The following CDKAL1 variants were observed in gnomAD, a reference collection of about 807,000 sequenced individuals.
The protein encoded by CDKAL1 is CDKAL1 threonylcarbamoyladenosine tRNA methylthiotransferase.
In CDKAL1, 32 loss-of-function variants were observed where a neutral mutation model predicts 68.2. The ratio of observed to expected loss-of-function variants is 0.47; its 90% CI spans 0.35 to 0.63. The LOEUF (loss-of-function observed/expected upper bound fraction) is 0.63. Among genes scored for constraint, CDKAL1 ranks in the 30% least tolerant of loss-of-function variants. The probability of loss-of-function intolerance (pLI) is 0.00; values close to 1 mark genes in which losing one functional copy is unlikely to be tolerated. For synonymous variants in CDKAL1, 234 were observed against 244.3 expected, an observed-to-expected ratio of 0.96 and a Z score of 0.39; for missense variants, 606 against 696.7, an observed-to-expected ratio of 0.87 and a Z score of 1.47.
intron 10 of CDKAL1, among the ~76,000 whole-genome samples, chr6:20,991,706 C>CA (rs35504365): frequency 0.11 from 6,796 of 59,250 alleles, 728 homozygotes; most frequent in African/African-American, 0.27. Flanking sequence ...TATTCCCTCT[C>CA]AAAAAAAAAA....
intron 4 of CDKAL1, among the ~76,000 whole-genome samples, chr6:20,628,287 T>C (rs1561979313): frequency 1.3e-5 from 2 of 152,136 alleles, no homozygotes; most frequent in Admixed American, 6.5e-5. Context: ...TCTAGTTTTT[T>C]TGAGTGTTTT....
chr6:20,955,239 C>T (rs1050954420), intron 9 of CDKAL1, among the ~76,000 whole-genome samples, 180 bp from the exon 10 acceptor site: 11 of 152,114 alleles, frequency 7.2e-5, no homozygotes, highest in African/African-American at 1.9e-4. Context: ...CTCTGGTGTT[C>T]GTAAAATGAA....
intron 10 of CDKAL1, among the ~76,000 whole-genome samples, chr6:20,986,619 T>C (rs187340853): frequency 4.1e-4 from 60 of 148,146 alleles, no homozygotes; most frequent in Non-Finnish European, 8.0e-4. Flanking sequence ...AGAAGGACTT[T>C]AACAAAATGT....
At chr6:20,968,155 T>G (rs112092201) in intron 10 of CDKAL1, among the ~76,000 whole-genome samples, 3,002 of 137,506 alleles carry the variant, frequency 0.022, 104 homozygotes, top group African/African-American at 0.076. Context: ...TTGTTCTGGG[T>G]TTTTTTTTTT....
intron 8 of CDKAL1, among the ~76,000 whole-genome samples, chr6:20,814,255 T>A (rs991082397): frequency 1.2e-4 from 18 of 152,126 alleles, no homozygotes; most frequent in African/African-American, 4.3e-4. Context: ...AATTTTTTTT[T>A]AATGTTAACA....
intron 11 of CDKAL1, among the ~76,000 whole-genome samples, chr6:21,059,368 C>G (rs1034194848): frequency 6.6e-6 from 1 of 152,256 alleles, no homozygotes; most frequent in Non-Finnish European, 1.5e-5. Context: ...CTGCTGCTGG[C>G]TGCAACCTGA....
intron 11 of CDKAL1, among the ~76,000 whole-genome samples, chr6:21,061,384 AG>A (rs574879259): frequency 1.4e-4 from 21 of 152,176 alleles, no homozygotes; most frequent in Non-Finnish European, 2.8e-4. Context: ...TTCTAATACT[AG>A]TATGAAAACA....
chr6:20,789,142 AT>A (rs1241509938), intron 8 of CDKAL1, among the ~76,000 whole-genome samples: 24 of 152,236 alleles, frequency 1.6e-4, no homozygotes, highest in African/African-American at 5.8e-4. Flanking sequence ...AAATTGAGGC[AT>A]TTATGGCAAT....
At chr6:21,092,785 A>AT (rs1261752487) in intron 12 of CDKAL1, among the ~76,000 whole-genome samples, 1 of 152,016 alleles carries the variant, frequency 6.6e-6, no homozygotes, top group African/African-American at 2.4e-5. Context: ...GAGAGAAGAT[A>AT]TTTTATTCAT....
rs80221577 is a variant in CDKAL1 at position 21,230,963 on chromosome 6, A to C, written c.1664A>C (p.Asp555Ala). ...CTGCCCATGCCAAGGCTACATCAAG[A>C]CTGTGCGCTGAGGATGTCCGTGGGC... ...MVLPMPRLHQ[D>A]CALRMSVGLA... is the part of the protein sequence containing the mutation. The change falls in exon 16 of 16, where the codon GAC becomes GCC. Residue 555 changes from aspartate (D) to alanine (A), a missense_variant. Coordinates refer to ENST00000274695, the MANE Select transcript of CDKAL1 (RefSeq NM_017774.3). The C allele has an allele frequency of 6.2e-7, 1 of 1,613,960 alleles. No homozygotes were observed. The highest frequency in any genetic ancestry group is 8.5e-7 in the Non-Finnish European group (1 of 1,179,890).
At chr6:20,845,018 C>G (rs1296944183) in intron 8 of CDKAL1, among the ~76,000 whole-genome samples, 1 of 152,172 alleles carries the variant, frequency 6.6e-6, no homozygotes, top group African/African-American at 2.4e-5. Flanking sequence ...TGTTACTTTA[C>G]TTAAGGATCC....
rs532480809 is a variant in CDKAL1, at chr6:20,549,580, A to T, written c.286+875A>T. Reference sequence around the variant, plus strand: ...CTGCTATCTTGTTTTCTTTACATTTATATTTATTTATTTATTTATTTATTT... The same window carrying T: ...CTGCTATCTTGTTTTCTTTACATTTTTATTTATTTATTTATTTATTTATTT... On this transcript the variant is annotated intron_variant, in intron 4 of 15. Coordinates refer to ENST00000274695, the MANE Select transcript of CDKAL1 (RefSeq NM_017774.3). 1.4e-3 allele frequency among the ~76,000 whole-genome samples: 207 copies of T among 147,866 alleles called. 1 individual carries two copies. The highest frequency in any genetic ancestry group is 4.9e-3 in the African/African-American group (196 of 40,008).
intron 13 of CDKAL1, among the ~76,000 whole-genome samples, chr6:21,165,613 G>A (rs1468485001): frequency 2.0e-5 from 3 of 152,198 alleles, no homozygotes; most frequent in Non-Finnish European, 4.4e-5. Flanking sequence ...TTACTGTGTT[G>A]ACGTATAGTT....
chr6:20,853,403 A>C (rs6908779), intron 9 of CDKAL1, among the ~76,000 whole-genome samples: 3 of 25,714 alleles, frequency 1.2e-4, no homozygotes, highest in East Asian at 1.2e-3. Flanking sequence ...AAAAAAAAAC[A>C]AAAAAAAAAA....
intron 11 of CDKAL1, among the ~76,000 whole-genome samples, chr6:21,004,487 T>C (rs1767618518): frequency 6.6e-6 from 1 of 152,112 alleles, no homozygotes; most frequent in African/African-American, 2.4e-5. Flanking sequence ...CAGCTGGCCA[T>C]GAGCAATCAT....
At chr6:20,921,589 C>G (rs1762959806) in intron 9 of CDKAL1, among the ~76,000 whole-genome samples, 1 of 152,168 alleles carries the variant, frequency 6.6e-6, no homozygotes, top group Non-Finnish European at 1.5e-5. Flanking sequence ...TATTCCCAAC[C>G]TCATCTCAGT....
intron 10 of CDKAL1, among the ~76,000 whole-genome samples, chr6:20,998,637 A>G (rs76244002): frequency 2.6e-5 from 4 of 152,094 alleles, no homozygotes; most frequent in South Asian, 4.2e-4. Context: ...AAAAAAAAAA[A>G]AGAGCCTACT....
intron 13 of CDKAL1, chr6:21,135,815 G>A (rs779796720): frequency 2.1e-5 from 9 of 428,722 alleles, no homozygotes; most frequent in Non-Finnish European, 1.9e-5. Context: ...ATTGGAGAAC[G>A]GGTGCCATCC....
chr6:20,748,033 T>A (rs571596808), intron 6 of CDKAL1, among the ~76,000 whole-genome samples: 1 of 152,336 alleles, frequency 6.6e-6, no homozygotes, highest in Admixed American at 6.5e-5. Flanking sequence ...TGGTGTAGTA[T>A]ACAGATTCAA....
Sources: allele counts gnomAD v4.1 joint callset (sites outside exome capture counted in the v4.1 genomes callset), GRCh38; gene constraint gnomAD v4.1.1; transcripts MANE v1.5; gene names NCBI Gene and HGNC (gene_info 2026-07-23, HGNC 2026-07-21).